LRRC4C: variants seen among roughly 807,000 people sequenced by gnomAD.
The protein encoded by LRRC4C is leucine-rich repeat-containing protein 4C.
In LRRC4C, 5 loss-of-function variants were observed where a neutral mutation model predicts 33.6. The ratio of observed to expected loss-of-function variants is 0.15; its 90% CI spans 0.08 to 0.31. LRRC4C has a LOEUF of 0.31. Ranked by LOEUF, LRRC4C falls within the 10% of genes least tolerant of loss-of-function variation. The probability of loss-of-function intolerance (pLI) is 1.00; values close to 1 mark genes in which losing one functional copy is unlikely to be tolerated. For synonymous variants in LRRC4C, 329 were observed against 302.0 expected (o/e 1.09, Z -0.93); for missense variants, 560 against 796.7 (o/e 0.70, Z 3.58).
At chr11:41,048,101 C>A (rs1349627688) in intron 1 of LRRC4C, among the ~76,000 whole-genome samples, 3 of 152,040 alleles carry the variant, frequency 2.0e-5, no homozygotes. Flanking sequence ...ACTTTTTTTA[C>A]CTTTTCTTTT....
At chr11:41,038,226 T>G (rs1237041830) in intron 1 of LRRC4C, among the ~76,000 whole-genome samples, 2 of 152,166 alleles carry the variant, frequency 1.3e-5, no homozygotes, top group African/African-American at 2.4e-5. Flanking sequence ...AATTTGTCAT[T>G]GCTGCTCCAA....
chr11:40,940,172 C>T (rs535098922), intron 1 of LRRC4C, among the ~76,000 whole-genome samples: 2 of 152,242 alleles, frequency 1.3e-5, no homozygotes, highest in East Asian at 3.9e-4. Flanking sequence ...CCTCAGTTTT[C>T]TCATCCATAA....
At chr11:41,117,385 G>A (rs746045808) in intron 1 of LRRC4C, among the ~76,000 whole-genome samples, 1 of 152,004 alleles carries the variant, frequency 6.6e-6, no homozygotes, top group Non-Finnish European at 1.5e-5. Flanking sequence ...TACTAGACAA[G>A]CTTTCAAATA....
intron 1 of LRRC4C, among the ~76,000 whole-genome samples, chr11:41,380,089 G>A (rs1282109227): frequency 6.6e-6 from 1 of 152,096 alleles, no homozygotes; most frequent in African/African-American, 2.4e-5. Context: ...GAAGGGTAAG[G>A]TTAGCAAGAA....
intron 1 of LRRC4C, among the ~76,000 whole-genome samples, chr11:41,418,703 C>T (rs1046528525): frequency 2.0e-5 from 3 of 151,934 alleles, no homozygotes; most frequent in African/African-American, 7.2e-5. Context: ...GTATTTAAAT[C>T]CCTGCTTCAT....
chr11:40,729,391 C>G (rs1947451135), intron 2 of LRRC4C, among the ~76,000 whole-genome samples: 1 of 152,144 alleles, frequency 6.6e-6, no homozygotes. Context: ...CCATGATATA[C>G]TTTTATTCCT....
intron 3 of LRRC4C, among the ~76,000 whole-genome samples, chr11:40,434,257 C>T (rs895262912): frequency 9.2e-5 from 14 of 152,228 alleles, no homozygotes; most frequent in African/African-American, 3.1e-4. Context: ...CAGGCAGACA[C>T]AATATATGTT....
intron 2 of LRRC4C, among the ~76,000 whole-genome samples, chr11:40,802,344 T>A (rs4515958): frequency 0.64 from 97,037 of 151,558 alleles, 33,235 homozygotes; most frequent in East Asian, 0.81. Flanking sequence ...ATGGTAATTT[T>A]AAAAAAAAAC....
In LRRC4C at chr11:40,224,472, T is replaced by C. The variant is rs149049139; in HGVS notation, c.-96+17047A>G. 3.2e-3 allele frequency among the ~76,000 whole-genome samples: 483 copies of C among 152,308 alleles called. 2 individuals are homozygous for C. Among genetic ancestry groups the C allele is most frequent in the Non-Finnish European group, 5.4e-3 (366 of 68,014 alleles). On this transcript the variant is annotated intron_variant, in intron 5 of 6. Coordinates refer to ENST00000528697, the MANE Select transcript of LRRC4C (RefSeq NM_001258419.2). ...CCCACAATAAATAAAATATGACAAA[T>C]ACAATTTAACACAAAGAAAATGCAA...
chr11:40,636,808 C>T (rs1941779514), intron 3 of LRRC4C, among the ~76,000 whole-genome samples: 1 of 152,152 alleles, frequency 6.6e-6, no homozygotes, highest in Non-Finnish European at 1.5e-5. Flanking sequence ...CTGGGAATCT[C>T]AGTCCCATCT....
intron 3 of LRRC4C, among the ~76,000 whole-genome samples, chr11:40,473,091 C>T (rs1953024472): frequency 6.6e-6 from 1 of 152,194 alleles, no homozygotes; most frequent in African/African-American, 2.4e-5. Context: ...GGGCTCCTCC[C>T]TAACTCATTC....
chr11:40,459,647 G>A (rs1346342892), intron 3 of LRRC4C, among the ~76,000 whole-genome samples: 1 of 152,126 alleles, frequency 6.6e-6, no homozygotes, highest in Non-Finnish European at 1.5e-5. Flanking sequence ...TCTTAGAACC[G>A]GAGCAGATAC....
chr11:40,700,174 C>T (rs1008536263), intron 2 of LRRC4C, among the ~76,000 whole-genome samples: 2 of 152,090 alleles, frequency 1.3e-5, no homozygotes, highest in Non-Finnish European at 2.9e-5. Flanking sequence ...TAACGCCAAA[C>T]AGATTAATCC....
intron 4 of LRRC4C, among the ~76,000 whole-genome samples, chr11:40,302,056 T>A (rs1179387171): frequency 6.6e-6 from 1 of 152,202 alleles, no homozygotes; most frequent in East Asian, 1.9e-4. Context: ...ACTATACATA[T>A]CTACCTAATC....
At chr11:40,749,925 C>G (rs542956192) in intron 2 of LRRC4C, among the ~76,000 whole-genome samples, 1 of 152,016 alleles carries the variant, frequency 6.6e-6, no homozygotes, top group Admixed American at 6.6e-5. Context: ...ATCTACCAAC[C>G]TAAAATTAAG....
chr11:41,258,885 A>T (rs1177120005), intron 1 of LRRC4C, among the ~76,000 whole-genome samples: 1 of 151,976 alleles, frequency 6.6e-6, no homozygotes, highest in African/African-American at 2.4e-5. Context: ...GCTGGTATGA[A>T]AATAATCCCC....
chr11:40,792,191 CAT>C lies in LRRC4C; in HGVS notation c.-407+141442_-407+141443del, dbSNP rs568974939. Among the ~76,000 whole-genome samples, 18 of 151,996 alleles carry C rather than the reference CAT, an allele frequency of 1.2e-4. No homozygotes were observed. The East Asian group carries it at 3.1e-3, about 26-fold the overall frequency. On this transcript the variant is annotated intron_variant, in intron 2 of 6. Coordinates refer to ENST00000528697, the MANE Select transcript of LRRC4C (RefSeq NM_001258419.2). ...TAATTTGATATTGAAGAAAATATGA[CAT>C]GTTTCATTATTTTTGTCCTTTTGAA...
At chr11:41,405,548 A>G (rs1045675668) in intron 1 of LRRC4C, among the ~76,000 whole-genome samples, 1 of 152,140 alleles carries the variant, frequency 6.6e-6, no homozygotes, top group African/African-American at 2.4e-5. Flanking sequence ...AATTACTTAC[A>G]TGGTTGATAG....
chr11:41,130,237 A>C (rs1942948480), intron 1 of LRRC4C, among the ~76,000 whole-genome samples: 1 of 151,942 alleles, frequency 6.6e-6, no homozygotes, highest in African/African-American at 2.4e-5. Context: ...ACTACATTTA[A>C]GCAATTGCTA....
Sources: gnomAD v4.1 joint callset for allele counts (sites outside exome capture counted in the v4.1 genomes callset) on GRCh38, gnomAD v4.1.1 for gene constraint, MANE v1.5 for transcripts, NCBI Gene and HGNC (gene_info 2026-07-23, HGNC 2026-07-21) for gene names.